IQSEC1: variants seen among roughly 807,000 people sequenced by gnomAD.
IQSEC1 encodes IQ motif and Sec7 domain ArfGEF 1.
Under a neutral mutation model 91.0 loss-of-function variants are expected in IQSEC1, and 31 were observed. The ratio of observed to expected loss-of-function variants is 0.34; its 90% CI spans 0.26 to 0.46. The LOEUF is 0.46. IQSEC1 is among the 20% of genes least tolerant of loss of function. The pLI, the probability that IQSEC1 is intolerant of heterozygous loss-of-function variation, is 1.00. For missense variants in IQSEC1, 1,388 were observed against 1,575.6 expected (o/e 0.88, Z 2.02); for synonymous variants, 699 against 662.6 (o/e 1.05, Z -0.84).
intron 1 of IQSEC1, among the ~76,000 whole-genome samples, chr3:12,954,110 C>T (rs942257377): frequency 2.2e-4 from 33 of 152,202 alleles, no homozygotes; most frequent in Non-Finnish European, 2.2e-4. Flanking sequence ...GCAGTCTTTC[C>T]GGCCCCAGGG....
intron 2 of IQSEC1, among the ~76,000 whole-genome samples, chr3:13,088,078 C>CT (rs1705767204): frequency 6.6e-6 from 1 of 152,184 alleles, no homozygotes; most frequent in Non-Finnish European, 1.5e-5. Context: ...AACACAGCCC[C>CT]TCCCTGTTTC....
At position 13,235,382 on chromosome 3, in the gene IQSEC1, G is replaced by A. The variant is rs557540946; in HGVS notation, c.272+47329C>T. On this transcript the variant is annotated intron_variant, in intron 1 of 15. Transcript: ENST00000648114. The stretch of plus-strand genomic sequence containing the variant: ...CCAACCACTGCTGCTGGCCCCGGGG[G>A]ACCTGCAGGCACCTGCATCCTTGGG... Among the ~76,000 whole-genome samples, 48 of 152,336 alleles carry A rather than the reference G, an allele frequency of 3.2e-4. No individual in the cohort carries two copies. In the South Asian group the frequency reaches 9.9e-3, roughly 32 times the overall value.
intron 1 of IQSEC1, among the ~76,000 whole-genome samples, chr3:13,213,718 G>A (rs753048960): frequency 8.5e-5 from 13 of 152,144 alleles, no homozygotes; most frequent in Non-Finnish European, 1.3e-4. Flanking sequence ...ACATGACCGG[G>A]CCAGTGTGAG....
chr3:12,969,003 A>G (rs888205991), intron 1 of IQSEC1, among the ~76,000 whole-genome samples: 1 of 152,196 alleles, frequency 6.6e-6, no homozygotes, highest in Non-Finnish European at 1.5e-5. Context: ...GCAGGAGCCC[A>G]GTGCCCCTTA....
intron 13 of IQSEC1, 34 bp from the exon 14 acceptor site, chr3:12,901,556 A>G (rs1343127768): frequency 1.3e-6 from 2 of 1,506,256 alleles, no homozygotes; most frequent in East Asian, 2.5e-5. Flanking sequence ...CAAAATTAAA[A>G]GATCTTCAAG....
chr3:13,075,011 C>T (rs959425228), upstream of IQSEC1, among the ~76,000 whole-genome samples: 5 of 152,142 alleles, frequency 3.3e-5, no homozygotes, highest in East Asian at 1.9e-4. Flanking sequence ...GGTGAGGCAT[C>T]GAACAGAACT....
intron 1 of IQSEC1, chr3:12,986,900 T>C: frequency 3.3e-6 from 1 of 305,748 alleles, no homozygotes; most frequent in Non-Finnish European, 6.7e-6. Context: ...AGAAGGAGCT[T>C]GGGAGGGGAC....
rs1212534512 is a variant in IQSEC1, at chr3:13,058,894, C to A, written c.23+14098G>T. Among the ~76,000 whole-genome samples the A allele has an allele frequency of 6.6e-5, 10 of 152,254 alleles. No individual in the cohort carries two copies. The South Asian group carries it at 2.1e-3, about 32-fold the overall frequency. On this transcript the variant is annotated intron_variant, in intron 1 of 13. Coordinates refer to ENST00000613206, the MANE Select transcript of IQSEC1 (RefSeq NM_001134382.3). ...CGGCAGGCCTTGGGTGCCCTCGGCC[C>A]ACGGGGTGCCTGGTAGCTTTGGCCA... is the stretch of plus-strand genomic sequence containing the variant.
rs753626236 is a variant in IQSEC1 at position 12,901,346 on chromosome 3, G to C, written c.2982C>G (p.Pro994=). ...GAGGCAGGACCACCGGTGGGTGGGGGGGTGGCAGGGCTGGGGCTGAGGGCA... is the reference window on the plus strand; with the variant it reads ...GAGGCAGGACCACCGGTGGGTGGGGCGGTGGCAGGGCTGGGGCTGAGGGCA... The part of the protein sequence containing the change: ...AHLPSAPALP[P]PHPPVVLPHL... The change falls in exon 14 of 14, where the codon CCC becomes CCG. Residue 994 remains proline, a synonymous_variant. Transcript: ENST00000613206. The C allele has an allele frequency of 6.5e-7, 1 of 1,530,048 alleles. No homozygotes were observed. Among genetic ancestry groups the C allele is most frequent in the African/African-American group, 1.4e-5 (1 of 72,678 alleles). The allele number at this position is 1,530,048 out of a possible 1,614,324, so 94.8% of individuals were successfully genotyped here.
In IQSEC1 at chr3:13,187,121, C is replaced by T. The variant is rs554514323; in HGVS notation, c.273-22988G>A. ...CACTATGCATGTATCCACCCATCCA[C>T]CCACACACCTGTCCAACCATTCATC... is the stretch of plus-strand genomic sequence containing the variant. On this transcript the variant is annotated intron_variant, in intron 1 of 15. Coordinates refer to the IQSEC1 transcript ENST00000648114. 6.3e-4 allele frequency among the ~76,000 whole-genome samples: 96 copies of T among 152,302 alleles called. 1 individual carries two copies. The highest frequency in any genetic ancestry group is 2.1e-3 in the African/African-American group (87 of 41,558).
At chr3:13,267,619 T>G (rs867585415) in intron 1 of IQSEC1, among the ~76,000 whole-genome samples, 3 of 150,050 alleles carry the variant, frequency 2.0e-5, no homozygotes, top group African/African-American at 7.5e-5. Context: ...TTTTTTCTTT[T>G]TCTTTTTTTT....
At chr3:12,951,694 G>A (rs1404134283) in intron 1 of IQSEC1, among the ~76,000 whole-genome samples, 1 of 152,174 alleles carries the variant, frequency 6.6e-6, no homozygotes, top group African/African-American at 2.4e-5. Flanking sequence ...TTCCTAGGGA[G>A]CAGTAGGGTG....
rs1233950610 is a variant in IQSEC1 at position 13,073,053 on chromosome 3, C to T, written c.-39G>A. The T allele has an allele frequency of 1.3e-6, 2 of 1,551,464 alleles. No homozygotes were observed. The highest frequency in any genetic ancestry group is 2.4e-5 in the South Asian group (2 of 84,056). On this transcript the variant is annotated 5_prime_UTR_variant, in exon 1 of 14. Transcript: ENST00000613206. ...GTTCTTCCCTGTTCTGGCTCCCTCTCCAGCGGGGAGGCTCAACGTGTTTCC... is the reference window on the plus strand; with the variant it reads ...GTTCTTCCCTGTTCTGGCTCCCTCTTCAGCGGGGAGGCTCAACGTGTTTCC...
rs2124837586 is a variant in IQSEC1, at chr3:13,103,426, G to A, written c.303-55904C>T. On this transcript the variant is annotated intron_variant, in intron 2 of 15. Transcript: ENST00000648114. This position sits in a 1 kb window ranked among gnomAD's most constrained non-coding sequence, Gnocchi z 4.1. ...CACTAGCTCCACCAGCCTCGGGGGA[G>A]TGGCAGGTGTGTTTAAAGCTGTATG... 6.6e-6 allele frequency among the ~76,000 whole-genome samples: 1 copy of A among 152,146 alleles called. No homozygotes were observed. The highest frequency in any genetic ancestry group is 1.5e-5 in the Non-Finnish European group (1 of 68,008).
intron 2 of IQSEC1, among the ~76,000 whole-genome samples, chr3:13,092,835 C>A (rs73014616): frequency 0.055 from 8,320 of 152,292 alleles, 274 homozygotes; most frequent in African/African-American, 0.078. Flanking sequence ...CTGCTCCAGG[C>A]ACGCTGGCCA....
At chr3:13,063,683 A>G (rs774673544) in intron 1 of IQSEC1, among the ~76,000 whole-genome samples, 2 of 151,278 alleles carry the variant, frequency 1.3e-5, no homozygotes, top group Non-Finnish European at 2.9e-5. Flanking sequence ...GAAACTCAGA[A>G]CCCCTGGGGG....
At chr3:13,250,945 C>T (rs540914037) in intron 1 of IQSEC1, among the ~76,000 whole-genome samples, 32 of 152,324 alleles carry the variant, frequency 2.1e-4, no homozygotes, top group African/African-American at 7.0e-4. Context: ...AGGTCCCCAT[C>T]GCTCCTCCTC....
At chr3:13,082,415 C>T (rs1186916906) in intron 2 of IQSEC1, among the ~76,000 whole-genome samples, 1 of 152,220 alleles carries the variant, frequency 6.6e-6, no homozygotes, top group Non-Finnish European at 1.5e-5. Flanking sequence ...AGGCCTGGAC[C>T]GCTACAATGG....
chr3:13,249,917 C>T (rs1013456246), intron 1 of IQSEC1, among the ~76,000 whole-genome samples: 19 of 152,230 alleles, frequency 1.2e-4, no homozygotes, highest in African/African-American at 4.6e-4. Flanking sequence ...ACGCAGATGC[C>T]CAAGGGCTGG....
Sources: gnomAD v4.1 joint callset for allele counts (sites outside exome capture counted in the v4.1 genomes callset) on GRCh38, gnomAD v4.1.1 for gene constraint, Gnocchi (gnomAD v3.1) non-coding constraint, MANE v1.5 for transcripts, NCBI Gene and HGNC (gene_info 2026-07-23, HGNC 2026-07-21) for gene names.